NNT: variants seen among roughly 807,000 people sequenced by gnomAD.
NNT encodes NAD(P) transhydrogenase, mitochondrial.
Under a neutral mutation model 104.8 loss-of-function variants are expected in NNT, and 50 were observed. The observed-to-expected ratio is 0.48, with a 90% CI of 0.38 to 0.60. NNT has a LOEUF of 0.60. NNT is among the 20% of genes least tolerant of loss of function. The pLI, the probability that NNT is intolerant of heterozygous loss-of-function variation, is 0.00. For missense variants in NNT, 1,131 were observed against 1,330.7 expected (o/e 0.85, Z 2.33); for synonymous variants, 461 against 490.4 (o/e 0.94, Z 0.79).
intron 9 of NNT, 45 bp downstream of exon 9, chr5:43,644,847 T>C: frequency 1.4e-6 from 2 of 1,478,148 alleles, no homozygotes; most frequent in South Asian, 1.4e-5. Context: ...AATGTAAATT[T>C]GTTTTAGAAT....
intron 1 of NNT, among the ~76,000 whole-genome samples, chr5:43,607,866 C>T (rs1331789301): frequency 6.6e-6 from 1 of 152,126 alleles, no homozygotes; most frequent in Non-Finnish European, 1.5e-5. Context: ...TACAGCAGAA[C>T]TTACAGGCAG....
intron 1 of NNT, among the ~76,000 whole-genome samples, chr5:43,603,638 T>A (rs1458275795): frequency 2.0e-5 from 3 of 151,818 alleles, no homozygotes; most frequent in Non-Finnish European, 4.4e-5. Context: ...ATTTGCAGCT[T>A]TGGGGGACAG....
At chr5:43,660,574 C>T (rs796442113) in intron 17 of NNT, among the ~76,000 whole-genome samples, 5 of 152,252 alleles carry the variant, frequency 3.3e-5, no homozygotes, top group African/African-American at 1.2e-4. Context: ...AAAGAACTAC[C>T]TCAGACTGGG....
At chr5:43,658,962 T>A (rs368437071) in intron 16 of NNT, among the ~76,000 whole-genome samples, 1 of 151,836 alleles carries the variant, frequency 6.6e-6, no homozygotes, top group African/African-American at 2.4e-5. Flanking sequence ...ATGTAGGGAT[T>A]TTTTTTTAGG....
chr5:43,629,318 G>A (rs890426779), intron 7 of NNT, among the ~76,000 whole-genome samples: 1 of 152,068 alleles, frequency 6.6e-6, no homozygotes, highest in African/African-American at 2.4e-5. Context: ...TCCTTTTTGT[G>A]GCTGAGTGGT....
intron 17 of NNT, among the ~76,000 whole-genome samples, chr5:43,663,120 A>G (rs1379640813): frequency 1.3e-5 from 2 of 152,240 alleles, no homozygotes; most frequent in African/African-American, 4.8e-5. Context: ...TTAATTTTCT[A>G]ATAATTTTTA....
rs1417066248 is a variant in NNT at position 43,655,921 on chromosome 5, C to G, written c.2141C>G (p.Ala714Gly). The change falls in exon 15 of 22, where the codon GCT (alanine) becomes GGT (glycine). Residue 714 changes from alanine to glycine, a missense_variant. By Grantham distance (60) the Ala-to-Gly change is moderately conservative. Coordinates refer to ENST00000344920, the MANE Select transcript of NNT (RefSeq NM_182977.3). ...TTTCACAGTTTAGTGGGTTTGGCAG[C>G]TGTACTTACTTGCATAGCTGAGTAC... ...AAFHSLVGLA[A>G]VLTCIAEYII... 6.2e-7 allele frequency: 1 copy of G among 1,614,056 alleles called. No individual in the cohort carries two copies. The highest frequency in any genetic ancestry group is 8.5e-7 in the Non-Finnish European group (1 of 1,180,020).
intron 4 of NNT, 59 bp from the exon 5 acceptor site, chr5:43,618,973 G>A: frequency 1.0e-6 from 1 of 989,196 alleles, no homozygotes; most frequent in Non-Finnish European, 1.4e-6. Context: ...GATGATATGT[G>A]AGTCTGAGAT....
At chr5:43,666,729 G>A (rs893739291) in intron 17 of NNT, 31 of 1,163,662 alleles carry the variant, frequency 2.7e-5, no homozygotes, top group South Asian at 7.8e-5. Flanking sequence ...GTGGGGGGTC[G>A]CACCAGTCCT....
At position 43,657,963 on chromosome 5, in the gene NNT, C is replaced by T. The variant is rs181389732; in HGVS notation, c.2454+1150C>T. Reference sequence around the variant, plus strand: ...TAGCCTGGCCAGCATGGTGAAACCCCGTCTCTACTAAAAATACAAAAATAA... The same window carrying T: ...TAGCCTGGCCAGCATGGTGAAACCCTGTCTCTACTAAAAATACAAAAATAA... On this transcript the variant is annotated intron_variant, in intron 16 of 21. Coordinates refer to ENST00000344920, the MANE Select transcript of NNT (RefSeq NM_182977.3). 3.9e-5 allele frequency among the ~76,000 whole-genome samples: 6 copies of T among 151,968 alleles called. No homozygotes were observed. In the East Asian group the frequency reaches 7.7e-4, roughly 20 times the overall value.
At chr5:43,609,406 T>G in intron 2 of NNT, 60 bp downstream of exon 2, 4 of 1,521,376 alleles carry the variant, frequency 2.6e-6, no homozygotes, top group Non-Finnish European at 3.6e-6. Context: ...CTAATAGATC[T>G]GATGATTGAT....
intron 17 of NNT, among the ~76,000 whole-genome samples, chr5:43,662,431 A>C (rs1322881919): frequency 6.6e-6 from 1 of 151,352 alleles, no homozygotes; most frequent in Non-Finnish European, 1.5e-5. Context: ...TTTTCTTTCC[A>C]TTTCACTGCC....
At chr5:43,672,756 G>A (rs1004416383) in intron 17 of NNT, among the ~76,000 whole-genome samples, 5 of 152,228 alleles carry the variant, frequency 3.3e-5, no homozygotes, top group Non-Finnish European at 7.3e-5. Context: ...GAGGCAGTCT[G>A]TCCGTTTTCA....
chr5:43,644,238 G>A lies in NNT; in HGVS notation c.1011G>A (p.Met337Ile). The A allele has an allele frequency of 6.2e-7, 1 of 1,612,778 alleles. No homozygotes were observed. The highest frequency in any genetic ancestry group is 8.5e-7 in the Non-Finnish European group (1 of 1,179,540). ...VLFNKEMIES[M>I]KEGSVVVDLA... ...TTAATAAAGAAATGATTGAGTCAAT[G>A]AAGGAAGGTTCAGTTGTTGTGGATT... Residue 337 changes from methionine (M) to isoleucine (I), a missense_variant, in exon 8 of 22, where the codon ATG (methionine) becomes ATA (isoleucine). Transcript: ENST00000344920.
intron 2 of NNT, among the ~76,000 whole-genome samples, chr5:43,611,082 CCCTCCCTCCCTG>C (rs1262089862): frequency 7.5e-6 from 1 of 134,026 alleles, no homozygotes; most frequent in Non-Finnish European, 1.6e-5. Flanking sequence ...CTTCCTCCCT[CCCTCCCTCCCTG>C]CCTCCCTCCC....
intron 10 of NNT, chr5:43,648,422 G>A (rs1739568067): frequency 6.1e-6 from 1 of 164,744 alleles, no homozygotes; most frequent in South Asian, 1.8e-4. Context: ...TGCTATCAAG[G>A]AAGGCGATAA....
At position 43,644,858 on chromosome 5, in the gene NNT, T is replaced by A. The variant is rs1751415193; in HGVS notation, c.1290+56T>A. ...TTTTAATGTAAATTTGTTTTAGAATTTCTGTTTATGGAAGAATTCTATTTT... is the reference window on the plus strand; with the variant it reads ...TTTTAATGTAAATTTGTTTTAGAATATCTGTTTATGGAAGAATTCTATTTT... On this transcript the variant is annotated intron_variant, in intron 9 of 21. Coordinates refer to ENST00000344920, the MANE Select transcript of NNT (RefSeq NM_182977.3). 4 of 1,426,526 alleles carry A rather than the reference T, an allele frequency of 2.8e-6. No individual in the cohort carries two copies. In the Admixed American group the frequency reaches 8.2e-5, roughly 29 times the overall value. The allele number at this position is 1,426,526 out of a possible 1,614,324, so 88.4% of individuals were successfully genotyped here.
chr5:43,651,681 A>G (rs1450239065), intron 12 of NNT, 58 bp from the exon 13 acceptor site: 2 of 1,566,484 alleles, frequency 1.3e-6, no homozygotes, highest in East Asian at 4.5e-5. Flanking sequence ...TTAAAAAATC[A>G]TGTTGCTCAG....
At chr5:43,674,101 A>G (rs1044756320) in intron 17 of NNT, among the ~76,000 whole-genome samples, 16 of 151,534 alleles carry the variant, frequency 1.1e-4, no homozygotes, top group African/African-American at 3.9e-4. Context: ...TTCAGGTTTT[A>G]TTTTGTATGT....
Sources: allele counts gnomAD v4.1 joint callset (sites outside exome capture counted in the v4.1 genomes callset), GRCh38; gene constraint gnomAD v4.1.1; transcripts MANE v1.5; gene names NCBI Gene and HGNC (gene_info 2026-07-23, HGNC 2026-07-21).